GRIN2A: variants seen among roughly 807,000 people sequenced by gnomAD.
GRIN2A encodes the protein glutamate ionotropic receptor NMDA type subunit 2A, also known as glutamate receptor ionotropic, NMDA 2A.
Under a neutral mutation model 113.4 loss-of-function variants are expected in GRIN2A, and 22 were observed. The observed-to-expected ratio is 0.19, with a 90% CI of 0.14 to 0.28. GRIN2A has a LOEUF of 0.28. Among genes scored for constraint, GRIN2A ranks in the 10% least tolerant of loss-of-function variants. The pLI is 1.00. For missense variants in GRIN2A, 1,502 were observed against 1,887.0 expected (o/e 0.80, Z 3.78); for synonymous variants, 827 against 738.4 (o/e 1.12, Z -1.94).
At chr16:9,970,237 G>C (rs1402779541) in intron 2 of GRIN2A, among the ~76,000 whole-genome samples, 1 of 152,098 alleles carries the variant, frequency 6.6e-6, no homozygotes, top group Non-Finnish European at 1.5e-5. Flanking sequence ...CACTATTCCA[G>C]AAAAAAATTG....
At chr16:9,940,765 C>T (rs543392609) in intron 2 of GRIN2A, among the ~76,000 whole-genome samples, 49 of 152,296 alleles carry the variant, frequency 3.2e-4, no homozygotes, top group Middle Eastern at 3.4e-3. Flanking sequence ...AACTACCCAA[C>T]CATCCAATAC....
chr16:10,008,522 G>A (rs2046445870), intron 2 of GRIN2A, among the ~76,000 whole-genome samples: 1 of 152,160 alleles, frequency 6.6e-6, no homozygotes, highest in Admixed American at 6.5e-5. Flanking sequence ...GGACCCATGA[G>A]CACTGTGATT....
chr16:10,111,754 C>A, intron 2 of GRIN2A: 3 of 1,511,200 alleles, frequency 2.0e-6, no homozygotes, highest in South Asian at 1.1e-5. Flanking sequence ...GAGCCCCTCA[C>A]ACACTGTGGG....
chr16:9,989,795 A>G (rs1449271767), intron 2 of GRIN2A, among the ~76,000 whole-genome samples: 2 of 152,230 alleles, frequency 1.3e-5, no homozygotes, highest in African/African-American at 4.8e-5. Context: ...GCTCAGCATC[A>G]TTAATCATAA....
chr16:10,076,344 C>T (rs2047872366), intron 2 of GRIN2A, among the ~76,000 whole-genome samples: 1 of 152,168 alleles, frequency 6.6e-6, no homozygotes, highest in African/African-American at 2.4e-5. Flanking sequence ...GACGAGGCAA[C>T]AACTGCTGCA....
At chr16:9,998,681 A>G (rs2046268472) in intron 2 of GRIN2A, among the ~76,000 whole-genome samples, 2 of 152,042 alleles carry the variant, frequency 1.3e-5, no homozygotes, top group African/African-American at 4.8e-5. Context: ...ATTACTGTAT[A>G]TATCTCTATG....
intron 2 of GRIN2A, among the ~76,000 whole-genome samples, chr16:9,956,041 C>A (rs2045300831): frequency 6.6e-6 from 1 of 152,148 alleles, no homozygotes; most frequent in Non-Finnish European, 1.5e-5. Flanking sequence ...GTTGTTCGGA[C>A]TCATGATCAA....
chr16:10,174,577 G>A (rs1006900240), intron 2 of GRIN2A, among the ~76,000 whole-genome samples: 1 of 152,068 alleles, frequency 6.6e-6, no homozygotes, highest in Non-Finnish European at 1.5e-5. Flanking sequence ...ACAGGGGAGG[G>A]AGTTACATGC....
chr16:10,026,748 C>CT (rs1417017884), intron 2 of GRIN2A, among the ~76,000 whole-genome samples: 1 of 152,202 alleles, frequency 6.6e-6, no homozygotes, highest in Admixed American at 6.5e-5. Context: ...CAGTGAGAAA[C>CT]ACGCCAAACA....
chr16:10,165,300 A>G (rs1173072816), intron 2 of GRIN2A, among the ~76,000 whole-genome samples: 1 of 151,988 alleles, frequency 6.6e-6, no homozygotes, highest in Non-Finnish European at 1.5e-5. Context: ...GTATTTGTAA[A>G]TAAGGTATAG....
intron 2 of GRIN2A, among the ~76,000 whole-genome samples, chr16:10,034,562 A>C (rs963247613): frequency 4.7e-5 from 7 of 148,454 alleles, no homozygotes; most frequent in Non-Finnish European, 8.9e-5. Context: ...AAAAAAAAAA[A>C]AACTGGCTCA....
At chr16:10,158,928 T>C (rs1455273781) in intron 2 of GRIN2A, among the ~76,000 whole-genome samples, 2 of 152,170 alleles carry the variant, frequency 1.3e-5, no homozygotes, top group Admixed American at 6.5e-5. Flanking sequence ...GTTATGTGTA[T>C]TATATCACAA....
At chr16:10,118,921 T>G (rs2048778615) in intron 2 of GRIN2A, among the ~76,000 whole-genome samples, 1 of 152,196 alleles carries the variant, frequency 6.6e-6, no homozygotes, top group Admixed American at 6.5e-5. Flanking sequence ...CCAGGACTCT[T>G]AAGAAAGGGG....
At chr16:9,968,159 C>A (rs775562568) in intron 2 of GRIN2A, among the ~76,000 whole-genome samples, 1 of 152,038 alleles carries the variant, frequency 6.6e-6, no homozygotes, top group African/African-American at 2.4e-5. Context: ...AGTTAATCTC[C>A]CCGACACTCC....
chr16:9,980,364 T>C (rs1401408885), intron 2 of GRIN2A, among the ~76,000 whole-genome samples: 1 of 151,694 alleles, frequency 6.6e-6, no homozygotes, highest in Non-Finnish European at 1.5e-5. Context: ...TGTGGAGAAA[T>C]AGGAACACTT....
chr16:9,943,002 G>A (rs940956420), intron 2 of GRIN2A: 1 of 152,284 alleles, frequency 6.6e-6, no homozygotes, highest in Admixed American at 6.5e-5. Flanking sequence ...TTTATGAACT[G>A]GCAGGACATG....
At chr16:10,123,192 T>C (rs1374863501) in intron 2 of GRIN2A, among the ~76,000 whole-genome samples, 4 of 152,202 alleles carry the variant, frequency 2.6e-5, no homozygotes, top group African/African-American at 9.7e-5. Context: ...GCAGATCTAA[T>C]GAAGGAGTTA....
intron 2 of GRIN2A, among the ~76,000 whole-genome samples, chr16:10,083,517 G>T (rs538781895): frequency 1.7e-4 from 26 of 152,250 alleles, no homozygotes; most frequent in African/African-American, 6.3e-4. Context: ...AGGCCTATGA[G>T]GCCCACGTGC....
intron 2 of GRIN2A, among the ~76,000 whole-genome samples, chr16:10,022,353 A>G (rs2046740699): frequency 6.8e-6 from 1 of 147,806 alleles, no homozygotes; most frequent in Admixed American, 6.8e-5. Flanking sequence ...ACATACGTGT[A>G]CCATCCCAGC....
Sources: allele counts gnomAD v4.1 joint callset (sites outside exome capture counted in the v4.1 genomes callset), GRCh38; gene constraint gnomAD v4.1.1; transcripts MANE v1.5; gene names NCBI Gene and HGNC (gene_info 2026-07-23, HGNC 2026-07-21).